PRKCE: variants seen among roughly 807,000 people sequenced by gnomAD.
PRKCE encodes protein kinase C epsilon type.
Under a neutral mutation model 85.4 loss-of-function variants are expected in PRKCE, and 16 were observed. That is an observed-to-expected ratio of 0.19 (90% CI 0.13 to 0.28). PRKCE has a LOEUF of 0.28. PRKCE is among the 10% of genes least tolerant of loss of function. The pLI is 1.00. For synonymous variants in PRKCE, 388 were observed against 371.5 expected, an observed-to-expected ratio of 1.04 and a Z score of -0.51; for missense variants, 573 against 975.2, an observed-to-expected ratio of 0.59 and a Z score of 5.49.
intron 1 of PRKCE, among the ~76,000 whole-genome samples, chr2:45,732,659 G>A (rs1262635895): frequency 6.6e-6 from 1 of 152,116 alleles, no homozygotes; most frequent in African/African-American, 2.4e-5. Context: ...GCTACACATA[G>A]CTTTCTATGT....
At chr2:46,002,053 C>T (rs572423061) in intron 7 of PRKCE, among the ~76,000 whole-genome samples, 3 of 152,316 alleles carry the variant, frequency 2.0e-5, no homozygotes, top group African/African-American at 7.2e-5. Flanking sequence ...CATGAAACAT[C>T]TGGGCCATTC....
chr2:45,770,720 T>C (rs1685252157), intron 1 of PRKCE: 1 of 152,192 alleles, frequency 6.6e-6, no homozygotes, highest in Admixed American at 6.5e-5. Flanking sequence ...GTACCCTCTC[T>C]CTCAACCTGC....
chr2:46,022,951 C>G (rs1003254397), intron 10 of PRKCE, among the ~76,000 whole-genome samples: 1 of 151,708 alleles, frequency 6.6e-6, no homozygotes, highest in Admixed American at 6.6e-5. Flanking sequence ...GGCGCGGTGG[C>G]GGGCGCCTGT....
chr2:46,164,341 G>A (rs925417999), intron 14 of PRKCE, among the ~76,000 whole-genome samples: 4 of 152,136 alleles, frequency 2.6e-5, no homozygotes, highest in African/African-American at 4.8e-5. Flanking sequence ...GGAGACATTG[G>A]GCGTGTGTTT....
intron 14 of PRKCE, among the ~76,000 whole-genome samples, chr2:46,178,032 G>C (rs1380082718): frequency 6.6e-6 from 1 of 152,200 alleles, no homozygotes; most frequent in Admixed American, 6.5e-5. Context: ...GGCTGAGGCA[G>C]GTGGGTCACC....
At chr2:45,842,792 G>T (rs1209132022) in intron 1 of PRKCE, among the ~76,000 whole-genome samples, 2 of 152,196 alleles carry the variant, frequency 1.3e-5, no homozygotes, top group East Asian at 1.9e-4. Flanking sequence ...ATTGCCCCCA[G>T]TTGAGAACCA....
chr2:45,996,663 C>A (rs1219838753), intron 6 of PRKCE, among the ~76,000 whole-genome samples: 17 of 152,012 alleles, frequency 1.1e-4, no homozygotes, highest in Admixed American at 1.1e-3. Flanking sequence ...AATGTTGAAC[C>A]AGCCTTGCTT....
chr2:46,095,527 T>C (rs1396332356), intron 11 of PRKCE, among the ~76,000 whole-genome samples: 2 of 152,192 alleles, frequency 1.3e-5, no homozygotes, highest in Non-Finnish European at 2.9e-5. Context: ...CAAATCTCTC[T>C]TTTCTCTCGC....
chr2:45,823,017 C>A (rs1422121154), intron 1 of PRKCE, among the ~76,000 whole-genome samples: 1 of 152,166 alleles, frequency 6.6e-6, no homozygotes, highest in East Asian at 1.9e-4. Context: ...GTTAAACCCC[C>A]ACTCCCACCC....
chr2:45,688,533 G>T (rs1319286799), intron 1 of PRKCE, among the ~76,000 whole-genome samples: 1 of 152,138 alleles, frequency 6.6e-6, no homozygotes, highest in Non-Finnish European at 1.5e-5. Context: ...TTAGCAAAAT[G>T]AAAAGAATTT....
chr2:45,873,976 T>C (rs1028814837), intron 2 of PRKCE, among the ~76,000 whole-genome samples: 11 of 152,244 alleles, frequency 7.2e-5, no homozygotes, highest in Admixed American at 2.0e-4. Context: ...AGACAGATCT[T>C]GGACAGACGC....
chr2:46,036,247 C>T (rs1707850440), intron 10 of PRKCE, among the ~76,000 whole-genome samples: 1 of 151,970 alleles, frequency 6.6e-6, no homozygotes, highest in Admixed American at 6.6e-5. Context: ...GGGGTCAGAG[C>T]GAGAGCAGGC....
At chr2:46,096,428 C>G (rs528077412) in intron 11 of PRKCE, among the ~76,000 whole-genome samples, 1 of 152,256 alleles carries the variant, frequency 6.6e-6, no homozygotes, top group East Asian at 1.9e-4. Context: ...AAGCTCCAAT[C>G]CCCAGTACCA....
intron 10 of PRKCE, among the ~76,000 whole-genome samples, chr2:46,016,421 A>G (rs975401429): frequency 6.6e-6 from 1 of 152,126 alleles, no homozygotes; most frequent in Non-Finnish European, 1.5e-5. Flanking sequence ...ATGGAGCAAG[A>G]CAACTTCACC....
In PRKCE at chr2:46,145,431, A is replaced by G. The variant is rs746502876; in HGVS notation, c.1731+200A>G. Reference sequence around the variant, plus strand: ...AAGAAGTCCTAGTGTTGGGGAGATGATGAGTGAAATGAGAGTAACAGGCTA... The same window carrying G: ...AAGAAGTCCTAGTGTTGGGGAGATGGTGAGTGAAATGAGAGTAACAGGCTA... On this transcript the variant is annotated intron_variant, in intron 12 of 14. Transcript: ENST00000306156. The surrounding 1 kb of genome is among the most constrained non-coding windows in gnomAD (Gnocchi z 4.6). Among the ~76,000 whole-genome samples, 1 of 152,188 alleles carries G rather than the reference A, an allele frequency of 6.6e-6. No homozygotes were observed. The highest frequency in any genetic ancestry group is 2.4e-5 in the African/African-American group (1 of 41,440).
chr2:45,792,366 G>T (rs1483661672), intron 1 of PRKCE, among the ~76,000 whole-genome samples: 1 of 152,136 alleles, frequency 6.6e-6, no homozygotes, highest in African/African-American at 2.4e-5. Flanking sequence ...CCACACTTGG[G>T]ATCACATTTC....
At chr2:46,076,186 A>C (rs950819240) in intron 10 of PRKCE, among the ~76,000 whole-genome samples, 3 of 152,164 alleles carry the variant, frequency 2.0e-5, no homozygotes, top group African/African-American at 7.2e-5. Flanking sequence ...ACAACACACC[A>C]TTCCTGCTTA....
chr2:45,706,920 G>T (rs889027768), intron 1 of PRKCE, among the ~76,000 whole-genome samples: 2 of 152,184 alleles, frequency 1.3e-5, no homozygotes, highest in African/African-American at 4.8e-5. Flanking sequence ...ATTTGCTCAA[G>T]ATCCCAAACA....
intron 10 of PRKCE, among the ~76,000 whole-genome samples, chr2:46,020,049 C>T (rs1706516442): frequency 6.6e-6 from 1 of 151,936 alleles, no homozygotes; most frequent in East Asian, 1.9e-4. Flanking sequence ...GGGGTTTTAC[C>T]ATGTTGGCCA....
Sources: gnomAD v4.1 joint callset for allele counts (sites outside exome capture counted in the v4.1 genomes callset) on GRCh38, gnomAD v4.1.1 for gene constraint, Gnocchi (gnomAD v3.1) non-coding constraint, MANE v1.5 for transcripts, NCBI Gene and HGNC (gene_info 2026-07-23, HGNC 2026-07-21) for gene names.